Variants in SETBP1 observed in about 807,000 individuals in gnomAD.
SETBP1 encodes the protein SET-binding protein.
Under a neutral mutation model 101.0 loss-of-function variants are expected in SETBP1, and 9 were observed. The ratio of observed to expected loss-of-function variants is 0.09; its 90% confidence interval spans 0.05 to 0.16. SETBP1 has a LOEUF of 0.16. Among genes scored for constraint, SETBP1 ranks in the 10% least tolerant of loss-of-function variants. The probability of loss-of-function intolerance (pLI) is 1.00; values close to 1 mark genes in which losing one functional copy is unlikely to be tolerated. For missense variants in SETBP1, 1,858 were observed against 2,033.8 expected, an observed-to-expected ratio of 0.91 and a Z score of 1.66; for synonymous variants, 818 against 788.5, an observed-to-expected ratio of 1.04 and a Z score of -0.63.
chr18:44,935,399 T>C (rs1349108140), intron 3 of SETBP1, among the ~76,000 whole-genome samples: 1 of 152,118 alleles, frequency 6.6e-6, no homozygotes, highest in African/African-American at 2.4e-5. Flanking sequence ...TGCTCTTTCT[T>C]ATCTATTTTT....
intron 2 of SETBP1, among the ~76,000 whole-genome samples, chr18:44,861,963 G>A (rs1055984868): frequency 4.6e-5 from 7 of 152,198 alleles, no homozygotes; most frequent in Non-Finnish European, 7.4e-5. Flanking sequence ...TCATCTCAGT[G>A]AGTCTATATC....
At chr18:44,758,384 AT>A (rs35307959) in intron 2 of SETBP1, among the ~76,000 whole-genome samples, 315 of 145,150 alleles carry the variant, frequency 2.2e-3, no homozygotes, top group Admixed American at 2.3e-3. Context: ...AGCTGAAAGA[AT>A]TTTTTTTTTT....
At chr18:44,759,197 G>C (rs2070580241) in intron 2 of SETBP1, among the ~76,000 whole-genome samples, 1 of 152,118 alleles carries the variant, frequency 6.6e-6, no homozygotes, top group Non-Finnish European at 1.5e-5. Flanking sequence ...ACAGGGCATG[G>C]GATGGTGGCA....
intron 4 of SETBP1, among the ~76,000 whole-genome samples, chr18:44,975,674 TC>T (rs1255814796): frequency 6.6e-6 from 1 of 152,196 alleles, no homozygotes; most frequent in African/African-American, 2.4e-5. Flanking sequence ...CTACATAACT[TC>T]GCATAGCTTT....
chr18:45,010,086 A>G lies in SETBP1; in HGVS notation c.4001-28399A>G, dbSNP rs866152344. On this transcript the variant is annotated intron_variant, in intron 4 of 5. Coordinates refer to ENST00000649279, the MANE Select transcript of SETBP1 (RefSeq NM_015559.3). ...ATAAAAGCATCTCTGCCTGTGCACC[A>G]TGCCCCTTTACTCCATGCGCTCTCC... 2.6e-5 allele frequency among the ~76,000 whole-genome samples: 4 copies of G among 152,128 alleles called. 1 individual carries two copies. The highest frequency in any genetic ancestry group is 4.1e-4 in the South Asian group (2 of 4,830).
At chr18:44,744,221 G>A (rs575951642) in intron 2 of SETBP1, among the ~76,000 whole-genome samples, 1 of 152,356 alleles carries the variant, frequency 6.6e-6, no homozygotes, top group Admixed American at 6.5e-5. Flanking sequence ...GAGACCAGAA[G>A]CCTTAACAAT....
intron 2 of SETBP1, among the ~76,000 whole-genome samples, chr18:44,795,772 C>T (rs1343131662): frequency 6.6e-6 from 1 of 152,144 alleles, no homozygotes; most frequent in African/African-American, 2.4e-5. Context: ...TGTGGCCTTG[C>T]CTTGTTAAAT....
At chr18:44,898,217 A>T (rs752597607) in intron 3 of SETBP1, among the ~76,000 whole-genome samples, 1 of 152,176 alleles carries the variant, frequency 6.6e-6, no homozygotes, top group Non-Finnish European at 1.5e-5. Flanking sequence ...TTGATTCTAT[A>T]TATTTATAAC....
intron 5 of SETBP1, among the ~76,000 whole-genome samples, chr18:45,043,564 C>G (rs947618501): frequency 6.6e-6 from 1 of 152,230 alleles, no homozygotes; most frequent in South Asian, 2.1e-4. Context: ...TCTGTTGTAT[C>G]AAGGCTAATC....
intron 3 of SETBP1, chr18:44,876,696 C>G (rs766522234): frequency 1.3e-6 from 2 of 1,504,434 alleles, no homozygotes; most frequent in Non-Finnish European, 1.8e-6. Flanking sequence ...CCGCAAAACC[C>G]GGTTCTCTCA....
intron 4 of SETBP1, among the ~76,000 whole-genome samples, chr18:45,006,199 A>G (rs9959673): frequency 0.98 from 148,281 of 151,992 alleles, 72,345 homozygotes; most frequent in East Asian, 1. Flanking sequence ...TGATCCTCCC[A>G]CCTTGGCCTC....
rs186887021 is a variant in SETBP1, at chr18:45,057,917, A to C, written c.4172-5162A>C. Among the ~76,000 whole-genome samples the C allele has an allele frequency of 6.1e-3, 927 of 152,344 alleles. 10 individuals are homozygous for C. The highest frequency in any genetic ancestry group is 0.021 in the African/African-American group (853 of 41,578). On this transcript the variant is annotated intron_variant, in intron 5 of 5. Coordinates refer to ENST00000649279, the MANE Select transcript of SETBP1 (RefSeq NM_015559.3). ...TACTGTATGTACAAATTCTGCATCC[A>C]AAAAGCAGTGCTAAGTCCATTCTCT...
chr18:45,039,926 A>T (rs2145500772), intron 5 of SETBP1, among the ~76,000 whole-genome samples: 1 of 152,290 alleles, frequency 6.6e-6, no homozygotes, highest in African/African-American at 2.4e-5. Context: ...GTGATAAAGG[A>T]TGTTTTCATG....
chr18:45,021,587 G>C (rs1245880688), intron 4 of SETBP1, among the ~76,000 whole-genome samples: 4 of 152,104 alleles, frequency 2.6e-5, no homozygotes, highest in Non-Finnish European at 5.9e-5. Context: ...TTGGTGCTGG[G>C]AATGAAGTCC....
chr18:44,853,930 T>G (rs2072921116), intron 2 of SETBP1, among the ~76,000 whole-genome samples: 1 of 152,214 alleles, frequency 6.6e-6, no homozygotes, highest in African/African-American at 2.4e-5. Flanking sequence ...TATTGTCACT[T>G]CCTCAGGAAA....
At chr18:44,862,719 T>A (rs1393958293) in intron 2 of SETBP1, among the ~76,000 whole-genome samples, 1 of 152,214 alleles carries the variant, frequency 6.6e-6, no homozygotes, top group African/African-American at 2.4e-5. Flanking sequence ...TGTCCTCCCC[T>A]CTGACCTTCT....
chr18:44,998,307 G>T (rs930371858), intron 4 of SETBP1, among the ~76,000 whole-genome samples: 6 of 152,200 alleles, frequency 3.9e-5, no homozygotes, highest in Non-Finnish European at 5.9e-5. Context: ...CCGTTTCCGG[G>T]GTATCTCTCC....
intron 3 of SETBP1, among the ~76,000 whole-genome samples, chr18:44,882,896 T>G (rs1599271272): frequency 6.6e-6 from 1 of 152,320 alleles, no homozygotes; most frequent in East Asian, 1.9e-4. Flanking sequence ...ACACCAGTGT[T>G]TCTGCAGCTA....
At chr18:44,954,890 CT>C (rs1290226336) in intron 4 of SETBP1, among the ~76,000 whole-genome samples, 4 of 152,176 alleles carry the variant, frequency 2.6e-5, no homozygotes, top group African/African-American at 9.7e-5. Context: ...AGAAACTGAT[CT>C]CTTTCAGCAT....
Sources: gnomAD v4.1 joint callset for allele counts (sites outside exome capture counted in the v4.1 genomes callset) on GRCh38, gnomAD v4.1.1 for gene constraint, MANE v1.5 for transcripts, NCBI Gene and HGNC (gene_info 2026-07-23, HGNC 2026-07-21) for gene names.